RSU1: variants seen among roughly 807,000 people sequenced by gnomAD.
The protein encoded by RSU1 is rsu-1.
RSU1 carries 26 observed loss-of-function variants against 31.1 expected under a neutral mutation model. The observed-to-expected ratio is 0.84, with a 90% CI of 0.61 to 1.16. The LOEUF is 1.16. RSU1 is among the 50% of genes most tolerant of loss of function. The probability of loss-of-function intolerance (pLI) is 0.00; values close to 1 mark genes in which losing one functional copy is unlikely to be tolerated. For synonymous variants in RSU1, 164 were observed against 136.3 expected (o/e 1.20, Z -1.41); for missense variants, 320 against 339.1 (o/e 0.94, Z 0.44).
intron 8 of RSU1, among the ~76,000 whole-genome samples, chr10:16,650,478 AC>A (rs1834662270): frequency 6.6e-6 from 1 of 152,118 alleles, no homozygotes; most frequent in Non-Finnish European, 1.5e-5. Context: ...TTGAGAAGAG[AC>A]TTACAAGTAG....
intron 8 of RSU1, among the ~76,000 whole-genome samples, chr10:16,608,454 A>G (rs984383221): frequency 2.4e-4 from 37 of 152,166 alleles, no homozygotes; most frequent in African/African-American, 8.9e-4. Context: ...TGCGGCTCTC[A>G]CCAGGTGAGC....
At chr10:16,594,334 C>A (rs1249503060) in intron 8 of RSU1, among the ~76,000 whole-genome samples, 2 of 152,088 alleles carry the variant, frequency 1.3e-5, no homozygotes, top group African/African-American at 4.8e-5. Flanking sequence ...TGGCCCAGCT[C>A]CAGCATCCAC....
At chr10:16,600,171 G>A (rs543448778) in intron 8 of RSU1, among the ~76,000 whole-genome samples, 3 of 152,158 alleles carry the variant, frequency 2.0e-5, no homozygotes, top group South Asian at 2.1e-4. Context: ...TGCCTGCGAC[G>A]CTCTCAGTGG....
intron 8 of RSU1, among the ~76,000 whole-genome samples, chr10:16,607,597 C>T (rs935537789): frequency 1.3e-5 from 2 of 152,156 alleles, no homozygotes; most frequent in African/African-American, 4.8e-5. Flanking sequence ...CTCATATCCA[C>T]GGCAGATATC....
At chr10:16,812,093 G>A (rs536053244) in intron 2 of RSU1, among the ~76,000 whole-genome samples, 2 of 152,218 alleles carry the variant, frequency 1.3e-5, no homozygotes, top group Admixed American at 6.5e-5. Flanking sequence ...AAGAAGCGGC[G>A]TGTTTAAAAA....
chr10:16,773,406 A>G (rs1458571376), intron 3 of RSU1, among the ~76,000 whole-genome samples: 2 of 152,024 alleles, frequency 1.3e-5, no homozygotes, highest in East Asian at 1.9e-4. Context: ...AAATAACCCA[A>G]CTATGGCTTT....
chr10:16,771,931 T>C (rs1326107732), intron 3 of RSU1, among the ~76,000 whole-genome samples: 1 of 152,170 alleles, frequency 6.6e-6, no homozygotes, highest in Non-Finnish European at 1.5e-5. Context: ...AAGGCCAACA[T>C]CCTCCAATTA....
intron 8 of RSU1, among the ~76,000 whole-genome samples, chr10:16,616,371 CAAAAAAAAAAAAAA>C (rs529296931): frequency 2.2e-5 from 2 of 90,950 alleles, no homozygotes; most frequent in Non-Finnish European, 5.0e-5. Flanking sequence ...GCCTACCAAC[CAAAAAAAAAAAAAA>C]AAAAAAAAAA....
At chr10:16,677,231 C>T (rs1026102073) in intron 8 of RSU1, among the ~76,000 whole-genome samples, 1 of 152,096 alleles carries the variant, frequency 6.6e-6, no homozygotes, top group Non-Finnish European at 1.5e-5. Context: ...CTGGCTTTGT[C>T]CTCAGTTGTT....
At chr10:16,756,323 T>C (rs555536451) in intron 4 of RSU1, among the ~76,000 whole-genome samples, 1 of 152,210 alleles carries the variant, frequency 6.6e-6, no homozygotes, top group Admixed American at 6.5e-5. Flanking sequence ...GTACATTTTG[T>C]GTGCATTTTA....
intron 8 of RSU1, among the ~76,000 whole-genome samples, chr10:16,646,703 GATAC>G (rs1448045824): frequency 6.6e-6 from 1 of 152,208 alleles, no homozygotes; most frequent in Non-Finnish European, 1.5e-5. Context: ...CAGTCTCAAA[GATAC>G]CATGGTGGCA....
intron 7 of RSU1, among the ~76,000 whole-genome samples, chr10:16,696,680 A>C (rs1835682229): frequency 6.6e-6 from 1 of 152,222 alleles, no homozygotes; most frequent in Non-Finnish European, 1.5e-5. Flanking sequence ...AAACATCGTT[A>C]GTCAGATATT....
chr10:16,755,174 T>G (rs1260508158), intron 4 of RSU1, among the ~76,000 whole-genome samples, 185 bp from the exon 5 acceptor site: 1 of 152,166 alleles, frequency 6.6e-6, no homozygotes, highest in African/African-American at 2.4e-5. Context: ...TAGGTTTTAG[T>G]GCAGAGGCAT....
intron 8 of RSU1, among the ~76,000 whole-genome samples, chr10:16,667,053 C>CAACA (rs1835006304): frequency 6.6e-6 from 1 of 151,624 alleles, no homozygotes; most frequent in Admixed American, 6.6e-5. Context: ...ACAACAACAA[C>CAACA]AAAAAACAAA....
At chr10:16,624,340 T>G in intron 8 of RSU1, among the ~76,000 whole-genome samples, 1 of 152,124 alleles carries the variant, frequency 6.6e-6, no homozygotes, top group East Asian at 1.9e-4. Flanking sequence ...CTGGTCCCAC[T>G]GCCCTAACCT....
intron 4 of RSU1, among the ~76,000 whole-genome samples, chr10:16,756,120 T>C (rs561559196): frequency 2.7e-4 from 41 of 152,322 alleles, no homozygotes; most frequent in Admixed American, 1.2e-3. Flanking sequence ...ATCATGTTTT[T>C]GTTCTACAAC....
chr10:16,711,427 A>G (rs1225432891), intron 7 of RSU1, among the ~76,000 whole-genome samples: 1 of 151,768 alleles, frequency 6.6e-6, no homozygotes, highest in Non-Finnish European at 1.5e-5. Flanking sequence ...CCTTCTATCA[A>G]TTTTGGGTTC....
chr10:16,768,858 C>T (rs1042266809), intron 3 of RSU1, among the ~76,000 whole-genome samples: 3 of 152,222 alleles, frequency 2.0e-5, no homozygotes, highest in African/African-American at 7.2e-5. Context: ...GGTTCATTAA[C>T]TTCTCTTTGG....
At position 16,657,652 on chromosome 10, in the gene RSU1, C is replaced by T. The variant is rs78512651; in HGVS notation, c.731+37371G>A. On this transcript the variant is annotated intron_variant, in intron 8 of 8. Coordinates refer to ENST00000345264, the MANE Select transcript of RSU1 (RefSeq NM_012425.4). ...TTCCTATAATCTTGTTCAGCTGCCC[C>T]GGAGGTTATGCCTCCAGACAGCTTT... is the stretch of plus-strand genomic sequence containing the variant. Among the ~76,000 whole-genome samples, 1,754 of 152,082 alleles carry T rather than the reference C, an allele frequency of 0.012. 72 individuals carry two copies. In the East Asian group the frequency reaches 0.13, roughly 11 times the overall value.
Sources: allele counts gnomAD v4.1 joint callset (sites outside exome capture counted in the v4.1 genomes callset), GRCh38; gene constraint gnomAD v4.1.1; transcripts MANE v1.5; gene names NCBI Gene and HGNC (gene_info 2026-07-23, HGNC 2026-07-21).